The following TBC1D5 variants were observed in gnomAD, a reference collection of about 807,000 sequenced individuals.
The protein encoded by TBC1D5 is TBC1 domain family, member 5.
Under a neutral mutation model 100.3 loss-of-function variants are expected in TBC1D5, and 75 were observed. That is an observed-to-expected ratio of 0.75 (90% CI 0.62 to 0.91). TBC1D5 has a LOEUF of 0.91. Among genes scored for constraint, TBC1D5 ranks in the 40% least tolerant of loss-of-function variants. The pLI, the probability that TBC1D5 is intolerant of heterozygous loss-of-function variation, is 0.00. For synonymous variants in TBC1D5, 323 were observed against 325.6 expected (o/e 0.99, Z 0.09); for missense variants, 910 against 942.4 (o/e 0.97, Z 0.45).
chr3:17,434,113 C>T (rs1308259720), intron 3 of TBC1D5, among the ~76,000 whole-genome samples: 1 of 152,164 alleles, frequency 6.6e-6, no homozygotes, highest in Non-Finnish European at 1.5e-5. Flanking sequence ...TGCAGCTTTA[C>T]CAGGTGCACA....
intron 1 of TBC1D5, among the ~76,000 whole-genome samples, chr3:17,702,703 T>C (rs552467147): frequency 1.1e-4 from 16 of 152,292 alleles, no homozygotes; most frequent in African/African-American, 2.6e-4. Context: ...ACGAGATTGA[T>C]GAACAAAATT....
intron 19 of TBC1D5, among the ~76,000 whole-genome samples, chr3:17,182,518 T>C (rs1210442786): frequency 6.6e-6 from 1 of 152,236 alleles, no homozygotes; most frequent in East Asian, 1.9e-4. Context: ...GCTTTAAAAG[T>C]TGCTGTGTGT....
Position 17,604,103 on chromosome 3 carries a change from C to T in TBC1D5, c.-36+19746G>A, listed in dbSNP as rs542639007. 3.3e-5 allele frequency among the ~76,000 whole-genome samples: 5 copies of T among 152,164 alleles called. No individual in the cohort carries two copies. In the East Asian group the frequency reaches 7.7e-4, roughly 24 times the overall value. On this transcript the variant is annotated intron_variant, in intron 2 of 21. Transcript: ENST00000253692. Reference sequence around the variant, plus strand: ...AACCTCAGCCTCCCAAGTAGCACCACCATACCTAGCTAATTTCTTTGTTTT... The same window carrying T: ...AACCTCAGCCTCCCAAGTAGCACCATCATACCTAGCTAATTTCTTTGTTTT...
chr3:17,717,360 A>G (rs1165109932), intron 1 of TBC1D5, among the ~76,000 whole-genome samples: 1 of 152,014 alleles, frequency 6.6e-6, no homozygotes, highest in Non-Finnish European at 1.5e-5. Context: ...AACATAAATA[A>G]TATTTGCGTA....
chr3:17,508,162 A>C (rs971287588), intron 3 of TBC1D5, among the ~76,000 whole-genome samples: 4 of 152,206 alleles, frequency 2.6e-5, no homozygotes, highest in Non-Finnish European at 5.9e-5. Context: ...GAATCTTTAA[A>C]AGATGTTCGA....
intron 15 of TBC1D5, among the ~76,000 whole-genome samples, chr3:17,288,332 G>A (rs1029356021): frequency 6.6e-6 from 1 of 152,180 alleles, no homozygotes; most frequent in African/African-American, 2.4e-5. Flanking sequence ...GTGGCAGAAA[G>A]CAGATGAATC....
chr3:17,397,083 C>A (rs1458408483), intron 8 of TBC1D5, among the ~76,000 whole-genome samples: 1 of 151,918 alleles, frequency 6.6e-6, no homozygotes, highest in Non-Finnish European at 1.5e-5. Context: ...ATTTAAACAG[C>A]CACATATGCC....
intron 1 of TBC1D5, among the ~76,000 whole-genome samples, chr3:17,654,345 A>G (rs1043054540): frequency 1.3e-5 from 2 of 152,156 alleles, no homozygotes; most frequent in African/African-American, 4.8e-5. Context: ...AAAAATTTTG[A>G]TATGTAATTA....
intron 4 of TBC1D5, among the ~76,000 whole-genome samples, chr3:17,410,550 G>A (rs1242119939): frequency 6.6e-6 from 1 of 152,090 alleles, no homozygotes; most frequent in African/African-American, 2.4e-5. Flanking sequence ...AAATCTTCTG[G>A]TAAGGATTCA....
intron 18 of TBC1D5, among the ~76,000 whole-genome samples, chr3:17,212,409 A>C (rs1403585107): frequency 6.6e-6 from 1 of 151,954 alleles, no homozygotes; most frequent in African/African-American, 2.4e-5. Context: ...AATTATGTAC[A>C]GTGAATAATA....
chr3:17,315,563 C>T (rs1251847832), intron 13 of TBC1D5, among the ~76,000 whole-genome samples: 3 of 152,230 alleles, frequency 2.0e-5, no homozygotes, highest in South Asian at 2.1e-4. Context: ...ATTTAAAATG[C>T]TATTCCTGGA....
chr3:17,709,206 G>C (rs1423615025), intron 1 of TBC1D5, among the ~76,000 whole-genome samples: 1 of 152,088 alleles, frequency 6.6e-6, no homozygotes, highest in Non-Finnish European at 1.5e-5. Context: ...CAAATCTTTC[G>C]AAAGAGATCA....
At chr3:17,575,953 G>T (rs1245961781) in intron 2 of TBC1D5, among the ~76,000 whole-genome samples, 1 of 151,936 alleles carries the variant, frequency 6.6e-6, no homozygotes, top group Non-Finnish European at 1.5e-5. Flanking sequence ...AAATATTTTA[G>T]GTTAATATAT....
chr3:17,332,893 T>C (rs2087073057), intron 13 of TBC1D5, among the ~76,000 whole-genome samples: 1 of 152,062 alleles, frequency 6.6e-6, no homozygotes, highest in African/African-American at 2.4e-5. Flanking sequence ...GTTGAAGAAT[T>C]GGAAATTTTG....
chr3:17,313,799 A>T (rs1219998253), intron 13 of TBC1D5, among the ~76,000 whole-genome samples: 1 of 152,192 alleles, frequency 6.6e-6, no homozygotes, highest in African/African-American at 2.4e-5. Flanking sequence ...CACCAACAAC[A>T]ATTACGTTGG....
chr3:17,494,791 G>A (rs948579889), intron 3 of TBC1D5, among the ~76,000 whole-genome samples: 17 of 152,156 alleles, frequency 1.1e-4, no homozygotes, highest in African/African-American at 2.2e-4. Context: ...CCCCTCCCTC[G>A]GGAACTCAAT....
Position 17,436,483 on chromosome 3 carries a change from G to T in TBC1D5, c.98-7964C>A, listed in dbSNP as rs564687147. Among the ~76,000 whole-genome samples the T allele has an allele frequency of 6.0e-4, 92 of 152,142 alleles. 2 individuals are homozygous for T. Among genetic ancestry groups the T allele is most frequent in the Admixed American group, 3.0e-3 (46 of 15,276 alleles). On this transcript the variant is annotated intron_variant, in intron 3 of 21. Coordinates refer to ENST00000253692, the Ensembl canonical transcript of TBC1D5. ...CATAACTTAAATAATTGAATATTGT[G>T]GCTTTTTTCTTCTTATCAATTAAAG...
chr3:17,243,420 C>G (rs761290988), intron 16 of TBC1D5, among the ~76,000 whole-genome samples: 1 of 151,872 alleles, frequency 6.6e-6, no homozygotes, highest in East Asian at 1.9e-4. Context: ...GTGACAGATA[C>G]GCTAATTATT....
chr3:17,187,215 TC>T (rs1233510088), intron 18 of TBC1D5, among the ~76,000 whole-genome samples: 2 of 152,190 alleles, frequency 1.3e-5, no homozygotes, highest in African/African-American at 4.8e-5. Context: ...TAGTATGTAT[TC>T]CCCCTGTCCT....
Sources: allele counts gnomAD v4.1 joint callset (sites outside exome capture counted in the v4.1 genomes callset), GRCh38; gene constraint gnomAD v4.1.1; transcripts MANE v1.5; gene names NCBI Gene and HGNC (gene_info 2026-07-23, HGNC 2026-07-21).